TPGS2: variants seen among roughly 807,000 people sequenced by gnomAD.
The protein encoded by TPGS2 is polyglutamylase subunit 2.
In TPGS2, 26 loss-of-function variants were observed where a neutral mutation model predicts 31.1. The ratio of observed to expected loss-of-function variants is 0.84; its 90% CI spans 0.61 to 1.16. The LOEUF is 1.16. Among genes scored for constraint, TPGS2 ranks in the 50% most tolerant of loss-of-function variants. TPGS2 has a pLI of 0.00. For synonymous variants in TPGS2, 130 were observed against 136.6 expected (o/e 0.95, Z 0.34); for missense variants, 351 against 363.8 (o/e 0.96, Z 0.29).
At chr18:36,804,911 C>T (rs1336414063) in intron 4 of TPGS2, among the ~76,000 whole-genome samples, 3 of 152,176 alleles carry the variant, frequency 2.0e-5, no homozygotes, top group Non-Finnish European at 2.9e-5. Context: ...GCCCACCTTC[C>T]TCAACCATAA....
intron 6 of TPGS2, chr18:36,786,694 G>T (rs1398648907): frequency 1.6e-6 from 1 of 622,244 alleles, no homozygotes; most frequent in African/African-American, 1.9e-5. Context: ...CAAAAGGGAG[G>T]GGGTATGATG....
At chr18:36,784,665 G>C (rs889719322) in intron 6 of TPGS2, among the ~76,000 whole-genome samples, 14 of 152,156 alleles carry the variant, frequency 9.2e-5, no homozygotes, top group Admixed American at 7.2e-4. Context: ...CCATCTCTGT[G>C]TGAGCACTTC....
intron 6 of TPGS2, chr18:36,786,668 G>A (rs940348591): frequency 3.3e-5 from 15 of 460,946 alleles, no homozygotes; most frequent in African/African-American, 1.6e-4. Context: ...CTGATCAGTT[G>A]TTGTGTCTAA....
At chr18:36,819,101 C>T (rs1446557613) in intron 1 of TPGS2, 128 bp from the exon 2 acceptor site, 2 of 727,024 alleles carry the variant, frequency 2.8e-6, no homozygotes, top group African/African-American at 1.8e-5. Flanking sequence ...CACTTATTAC[C>T]CCTGTAATGA....
chr18:36,797,517 GTT>G (rs113722401), intron 6 of TPGS2, among the ~76,000 whole-genome samples: 4 of 140,956 alleles, frequency 2.8e-5, no homozygotes, highest in Admixed American at 7.2e-5. Flanking sequence ...GTTTCCTACT[GTT>G]TTTTTTTTTT....
chr18:36,787,357 A>C (rs1274072897), intron 6 of TPGS2, among the ~76,000 whole-genome samples: 1 of 152,170 alleles, frequency 6.6e-6, no homozygotes, highest in Non-Finnish European at 1.5e-5. Flanking sequence ...CTTCGCCCCT[A>C]ATAGTATCTG....
At chr18:36,787,502 A>G (rs1187393655) in intron 6 of TPGS2, among the ~76,000 whole-genome samples, 1 of 152,236 alleles carries the variant, frequency 6.6e-6, no homozygotes, top group Non-Finnish European at 1.5e-5. Context: ...CATGTACCCA[A>G]GGGAATAATT....
intron 3 of TPGS2, among the ~76,000 whole-genome samples, chr18:36,806,964 G>A (rs868304735): frequency 2.0e-5 from 3 of 150,442 alleles, no homozygotes; most frequent in Non-Finnish European, 3.0e-5. Context: ...GTAGAAGGCC[G>A]AGGCAACAAA....
chr18:36,794,301 A>G lies in TPGS2; in HGVS notation c.*2504T>C. 1.0e-6 allele frequency: 1 copy of G among 985,452 alleles called. No individual in the cohort carries two copies. Among genetic ancestry groups the G allele is most frequent in the African/African-American group, 1.7e-5 (1 of 57,350 alleles). 61.0% of individuals were successfully genotyped at this position (985,452 alleles called of 1,614,324 possible). On this transcript the variant is annotated 3_prime_UTR_variant, in exon 7 of 7. Transcript: ENST00000334295. ...TTGTACTGGATCCTGCACTGAGTGG[A>G]GTCAGTCCTGCTCTTCCCTGCTCAC... is the stretch of plus-strand genomic sequence containing the variant.
intron 6 of TPGS2, chr18:36,788,690 ATGTTT>A (rs773226923): frequency 8.5e-5 from 13 of 152,128 alleles, no homozygotes; most frequent in East Asian, 3.9e-4. Context: ...ACCTCAAAAC[ATGTTT>A]TGTTTTGTTT....
downstream of TPGS2, among the ~76,000 whole-genome samples, chr18:36,793,777 G>A (rs972991324): frequency 3.3e-5 from 5 of 149,722 alleles, no homozygotes; most frequent in Admixed American, 1.3e-4. Flanking sequence ...TTGCTCTGTC[G>A]TCCAGGCTGG....
chr18:36,781,790 C>T, downstream of TPGS2: 1 of 985,466 alleles, frequency 1.0e-6, no homozygotes, highest in Non-Finnish European at 1.2e-6. Context: ...CTGCTCTAAC[C>T]CCACTTACGG....
intron 6 of TPGS2, among the ~76,000 whole-genome samples, chr18:36,785,828 ACT>A (rs1347080569): frequency 2.0e-5 from 3 of 152,216 alleles, no homozygotes; most frequent in East Asian, 3.9e-4. Flanking sequence ...AGGATCTGTA[ACT>A]CTGGAGAGGA....
chr18:36,793,688 A>G (rs1430253254), downstream of TPGS2, among the ~76,000 whole-genome samples: 7 of 152,038 alleles, frequency 4.6e-5, no homozygotes, highest in Non-Finnish European at 7.4e-5. Context: ...TAAAATACAA[A>G]TTGTGTAATT....
intron 1 of TPGS2, among the ~76,000 whole-genome samples, chr18:36,823,119 T>C (rs1432686557): frequency 1.3e-5 from 2 of 152,360 alleles, no homozygotes; most frequent in East Asian, 3.9e-4. Context: ...CATGGTTCTG[T>C]AGCTCACAAG....
intron 1 of TPGS2, among the ~76,000 whole-genome samples, 172 bp from the exon 2 acceptor site, chr18:36,819,145 G>T (rs2045788771): frequency 6.6e-6 from 1 of 152,196 alleles, no homozygotes; most frequent in Non-Finnish European, 1.5e-5. Context: ...GAAAGGCATG[G>T]TCCCATAACC....
downstream of TPGS2, among the ~76,000 whole-genome samples, chr18:36,792,753 GATT>G (rs1171899598): frequency 1.3e-5 from 2 of 152,140 alleles, no homozygotes; most frequent in Non-Finnish European, 2.9e-5. Flanking sequence ...AGATTCTGTG[GATT>G]ATCAGGTGCA....
downstream of TPGS2, among the ~76,000 whole-genome samples, chr18:36,792,257 T>A (rs1431594500): frequency 6.6e-6 from 1 of 152,094 alleles, no homozygotes; most frequent in Non-Finnish European, 1.5e-5. Context: ...TAAAAACCAA[T>A]AGATAAATTG....
intron 1 of TPGS2, among the ~76,000 whole-genome samples, chr18:36,822,127 T>G (rs1286339472): frequency 6.6e-6 from 1 of 152,220 alleles, no homozygotes; most frequent in African/African-American, 2.4e-5. Flanking sequence ...GCTATCCTTC[T>G]AGGAGGCTGA....
Sources: gnomAD v4.1 joint callset for allele counts (sites outside exome capture counted in the v4.1 genomes callset) on GRCh38, gnomAD v4.1.1 for gene constraint, MANE v1.5 for transcripts, NCBI Gene and HGNC (gene_info 2026-07-23, HGNC 2026-07-21) for gene names.